Variants in CSMD1 observed in about 807,000 individuals in gnomAD.
CSMD1 encodes CUB and sushi domain-containing protein 1.
CSMD1 carries 213 observed loss-of-function variants against 417.5 expected under a neutral mutation model. That is an observed-to-expected ratio of 0.51 (90% CI 0.46 to 0.57). The LOEUF is 0.57. Ranked by LOEUF, CSMD1 falls within the 20% of genes least tolerant of loss-of-function variation. The probability of loss-of-function intolerance (pLI) is 0.00; values close to 1 mark genes in which losing one functional copy is unlikely to be tolerated. For missense variants in CSMD1, 6,923 were observed against 4,529.7 expected, an observed-to-expected ratio of 1.53 and a Z score of -15.17; for synonymous variants, 2,862 against 1,736.8, an observed-to-expected ratio of 1.65 and a Z score of -16.11.
chr8:4,149,365 T>G (rs970501757), intron 3 of CSMD1, among the ~76,000 whole-genome samples: 1 of 152,218 alleles, frequency 6.6e-6, no homozygotes, highest in Non-Finnish European at 1.5e-5. Flanking sequence ...AAGATACACT[T>G]TGGTATAATA....
chr8:4,345,203 A>T (rs556014599), intron 3 of CSMD1, among the ~76,000 whole-genome samples: 109 of 152,280 alleles, frequency 7.2e-4, no homozygotes, highest in Admixed American at 1.2e-3. Flanking sequence ...TTGATGACCA[A>T]CGCTAACATA....
At chr8:4,814,687 A>T (rs1290417304) in intron 1 of CSMD1, among the ~76,000 whole-genome samples, 1 of 152,198 alleles carries the variant, frequency 6.6e-6, no homozygotes, top group Non-Finnish European at 1.5e-5. Context: ...ACACAACAGC[A>T]AATCCCAGCT....
intron 50 of CSMD1, among the ~76,000 whole-genome samples, chr8:3,036,684 T>C (rs1410417878): frequency 1.3e-5 from 2 of 152,088 alleles, no homozygotes; most frequent in Non-Finnish European, 2.9e-5. Context: ...AAAAAATAAA[T>C]ATAAAGTTTT....
At chr8:4,900,840 C>T (rs1290154615) in intron 1 of CSMD1, among the ~76,000 whole-genome samples, 1 of 152,222 alleles carries the variant, frequency 6.6e-6, no homozygotes, top group Non-Finnish European at 1.5e-5. Context: ...GCTCTAATTT[C>T]TGTCCTTATG....
chr8:4,253,047 C>T (rs927389845), intron 3 of CSMD1, among the ~76,000 whole-genome samples: 2 of 152,180 alleles, frequency 1.3e-5, no homozygotes, highest in East Asian at 1.9e-4. Context: ...CATGTGCCAA[C>T]GTCTTACGAT....
chr8:4,846,076 C>G lies in CSMD1; in HGVS notation c.85+148256G>C, dbSNP rs960919661. ...AATCCCGGTTTGTTGTGCTACGTCC[C>G]AAATCAAACAGTTGCAGGAGTTAGA... On this transcript the variant is annotated intron_variant, in intron 1 of 69. Coordinates refer to ENST00000635120, the MANE Select transcript of CSMD1 (RefSeq NM_033225.6). Among the ~76,000 whole-genome samples, 9 of 152,156 alleles carry G rather than the reference C, an allele frequency of 5.9e-5. No individual in the cohort carries two copies. The East Asian group carries it at 1.4e-3, about 23-fold the overall frequency.
intron 2 of CSMD1, among the ~76,000 whole-genome samples, chr8:4,631,059 G>C (rs567636389): frequency 1.6e-4 from 25 of 152,230 alleles, no homozygotes; most frequent in African/African-American, 4.3e-4. Context: ...TCACTCACTA[G>C]CCAAGCTAAA....
intron 10 of CSMD1, among the ~76,000 whole-genome samples, chr8:3,514,249 T>C (rs1184582229): frequency 6.6e-6 from 1 of 152,158 alleles, no homozygotes; most frequent in African/African-American, 2.4e-5. Context: ...GTCTCTTTCA[T>C]TTTCTCAGGA....
At chr8:4,002,462 T>C (rs1341656264) in intron 4 of CSMD1, among the ~76,000 whole-genome samples, 1 of 152,216 alleles carries the variant, frequency 6.6e-6, no homozygotes, top group African/African-American at 2.4e-5. Flanking sequence ...GTTTGTTTCC[T>C]CTTAGATCTA....
chr8:4,672,858 C>A (rs1420601680), intron 1 of CSMD1, among the ~76,000 whole-genome samples: 1 of 152,010 alleles, frequency 6.6e-6, no homozygotes, highest in Non-Finnish European at 1.5e-5. Flanking sequence ...TACACATATG[C>A]ATGCATACAT....
At chr8:3,388,871 T>G (rs1387457505) in intron 17 of CSMD1, among the ~76,000 whole-genome samples, 1 of 150,352 alleles carries the variant, frequency 6.7e-6, no homozygotes, top group African/African-American at 2.5e-5. Flanking sequence ...CCTCCCTCTC[T>G]CTACATACAC....
intron 1 of CSMD1, among the ~76,000 whole-genome samples, chr8:4,701,805 A>T (rs986999273): frequency 2.0e-5 from 3 of 152,130 alleles, no homozygotes. Context: ...ATGAAGATGC[A>T]TAATCTCATA....
intron 30 of CSMD1, among the ~76,000 whole-genome samples, chr8:3,213,784 T>A (rs1260458481): frequency 6.6e-6 from 1 of 151,066 alleles, no homozygotes; most frequent in East Asian, 1.9e-4. Context: ...TGTGTATGTA[T>A]ATATATGTAT....
chr8:3,618,082 G>A (rs995716602), intron 7 of CSMD1, among the ~76,000 whole-genome samples: 1 of 151,984 alleles, frequency 6.6e-6, no homozygotes, highest in African/African-American at 2.4e-5. Flanking sequence ...GATCACTGCA[G>A]CCTCAACCTC....
intron 1 of CSMD1, among the ~76,000 whole-genome samples, chr8:4,825,803 A>G (rs1272380252): frequency 6.6e-6 from 1 of 151,956 alleles, no homozygotes; most frequent in East Asian, 1.9e-4. Context: ...AAAGAAAAAA[A>G]AAAGAAATCC....
intron 30 of CSMD1, among the ~76,000 whole-genome samples, chr8:3,214,135 C>T (rs10089514): frequency 0.23 from 34,433 of 151,884 alleles, 4,571 homozygotes; most frequent in Non-Finnish European, 0.31. Context: ...TGAGCTACCA[C>T]GCCCGGCTAG....
chr8:3,438,233 C>G (rs1017546904), intron 12 of CSMD1, among the ~76,000 whole-genome samples: 4 of 152,078 alleles, frequency 2.6e-5, no homozygotes, highest in African/African-American at 7.2e-5. Flanking sequence ...ATACAAAGTT[C>G]TCATGTAAGT....
At chr8:3,934,174 A>C (rs1810332725) in intron 5 of CSMD1, among the ~76,000 whole-genome samples, 1 of 152,194 alleles carries the variant, frequency 6.6e-6, no homozygotes, top group Non-Finnish European at 1.5e-5. Flanking sequence ...AACTGAATAG[A>C]ATCTCGGCTA....
intron 5 of CSMD1, among the ~76,000 whole-genome samples, chr8:3,900,287 C>G (rs754171337): frequency 6.7e-6 from 1 of 149,826 alleles, no homozygotes; most frequent in African/African-American, 2.5e-5. Flanking sequence ...GACAGTGCAG[C>G]TGCGTGACAC....
Sources: gnomAD v4.1 joint callset for allele counts (sites outside exome capture counted in the v4.1 genomes callset) on GRCh38, gnomAD v4.1.1 for gene constraint, MANE v1.5 for transcripts, NCBI Gene and HGNC (gene_info 2026-07-23, HGNC 2026-07-21) for gene names.